The following CAMKMT variants were observed in gnomAD, a reference collection of about 807,000 sequenced individuals.
The protein encoded by CAMKMT is calmodulin-lysine N-methyltransferase.
In CAMKMT, 53 loss-of-function variants were observed where a neutral mutation model predicts 48.0. The ratio of observed to expected loss-of-function variants is 1.10; its 90% CI spans 0.89 to 1.39. CAMKMT has a LOEUF of 1.39. CAMKMT is among the 40% of genes most tolerant of loss of function. The pLI, the probability that CAMKMT is intolerant of heterozygous loss-of-function variation, is 0.00. For missense variants in CAMKMT, 428 were observed against 402.7 expected (o/e 1.06, Z -0.54); for synonymous variants, 165 against 152.3 (o/e 1.08, Z -0.61).
intron 3 of CAMKMT, among the ~76,000 whole-genome samples, chr2:44,595,322 A>G (rs1480626761): frequency 6.6e-6 from 1 of 152,152 alleles, no homozygotes; most frequent in East Asian, 1.9e-4. Context: ...AAAGGATTAT[A>G]AATGAACTCC....
intron 3 of CAMKMT, among the ~76,000 whole-genome samples, chr2:44,590,421 A>C (rs1232960575): frequency 6.6e-6 from 1 of 152,026 alleles, no homozygotes; most frequent in Non-Finnish European, 1.5e-5. Context: ...TTAAACTACA[A>C]ATTTCTGACT....
chr2:44,704,426 C>A, intron 4 of CAMKMT, 83 bp downstream of exon 4: 11 of 875,360 alleles, frequency 1.3e-5, no homozygotes, highest in African/African-American at 3.5e-5. Flanking sequence ...TTATATTCTT[C>A]AAATTAAATT....
Position 44,551,162 on chromosome 2 carries a change from C to G in CAMKMT, c.377-153121C>G, listed in dbSNP as rs116409285. On this transcript the variant is annotated intron_variant, in intron 3 of 10. Transcript: ENST00000378494. ...GTAGTCCTGTTTAATGGGGCAGAAA[C>G]CCACATCTGCAAGATCTTTATTCTC... Among the ~76,000 whole-genome samples, 466 of 152,182 alleles carry G rather than the reference C, an allele frequency of 3.1e-3. 2 individuals are homozygous for G. The highest frequency in any genetic ancestry group is 0.011 in the African/African-American group (439 of 41,526).
chr2:44,601,075 G>T (rs1670958163), intron 3 of CAMKMT, among the ~76,000 whole-genome samples: 1 of 152,002 alleles, frequency 6.6e-6, no homozygotes, highest in African/African-American at 2.4e-5. Context: ...ATACTTTTTA[G>T]TTGATACATA....
At chr2:44,362,870 A>T (rs897420369) in intron 1 of CAMKMT, among the ~76,000 whole-genome samples, 1 of 152,192 alleles carries the variant, frequency 6.6e-6, no homozygotes, top group African/African-American at 2.4e-5. Context: ...CTGATTTATG[A>T]TCACTCACAT....
chr2:44,399,727 A>C (rs1682186904), intron 3 of CAMKMT, among the ~76,000 whole-genome samples: 1 of 152,054 alleles, frequency 6.6e-6, no homozygotes, highest in African/African-American at 2.4e-5. Flanking sequence ...TCATGATAGA[A>C]TTGAGGAAGA....
At chr2:44,690,714 G>A (rs905594541) in intron 3 of CAMKMT, among the ~76,000 whole-genome samples, 4 of 152,062 alleles carry the variant, frequency 2.6e-5, no homozygotes, top group African/African-American at 7.2e-5. Context: ...GGTGGCTCAC[G>A]CCTGTAATAC....
chr2:44,647,919 A>G (rs1673835080), intron 3 of CAMKMT, among the ~76,000 whole-genome samples: 1 of 150,398 alleles, frequency 6.6e-6, no homozygotes, highest in Non-Finnish European at 1.5e-5. Flanking sequence ...AAAAAAAAAA[A>G]AAAAAAAAAA....
chr2:44,732,440 C>T (rs992722038), intron 7 of CAMKMT, among the ~76,000 whole-genome samples: 1 of 152,182 alleles, frequency 6.6e-6, no homozygotes, highest in Non-Finnish European at 1.5e-5. Flanking sequence ...AACATGTTGA[C>T]ATGATTTGAT....
chr2:44,642,832 C>T (rs1673520859), intron 3 of CAMKMT, among the ~76,000 whole-genome samples: 1 of 152,116 alleles, frequency 6.6e-6, no homozygotes, highest in African/African-American at 2.4e-5. Context: ...TAAATGACTT[C>T]ATCCACGGTA....
intron 3 of CAMKMT, among the ~76,000 whole-genome samples, chr2:44,466,480 A>G (rs1318050481): frequency 6.6e-6 from 1 of 152,204 alleles, no homozygotes; most frequent in Non-Finnish European, 1.5e-5. Context: ...AGGCAAATGA[A>G]AACGAATACA....
At chr2:44,589,896 GAAAA>G (rs888613058) in intron 3 of CAMKMT, among the ~76,000 whole-genome samples, 2 of 60,390 alleles carry the variant, frequency 3.3e-5, no homozygotes, top group Non-Finnish European at 6.6e-5. Context: ...AAAAAAAAAA[GAAAA>G]AAAAAAAAGA....
chr2:44,408,061 C>G (rs912741012), intron 3 of CAMKMT, among the ~76,000 whole-genome samples: 4 of 137,458 alleles, frequency 2.9e-5, no homozygotes, highest in African/African-American at 1.1e-4. Flanking sequence ...GAGTCTCACT[C>G]TGTCCCCAGG....
At chr2:44,580,300 G>T (rs913581101) in intron 3 of CAMKMT, among the ~76,000 whole-genome samples, 1 of 117,892 alleles carries the variant, frequency 8.5e-6, no homozygotes, top group Non-Finnish European at 1.9e-5. Context: ...AATTAGAAAC[G>T]ATAATAATTA....
At chr2:44,372,599 TA>T in intron 1 of CAMKMT, 116 bp from the exon 2 acceptor site, 1 of 761,076 alleles carries the variant, frequency 1.3e-6, no homozygotes. Context: ...CTGAATTATC[TA>T]ATCTGTCATT....
chr2:44,446,586 T>TGGCCTC (rs1667012988), intron 3 of CAMKMT, among the ~76,000 whole-genome samples: 1 of 152,154 alleles, frequency 6.6e-6, no homozygotes, highest in African/African-American at 2.4e-5. Flanking sequence ...CCTCAAGTGA[T>TGGCCTC]CCACCCACCT....
At chr2:44,533,967 A>G (rs1440053738) in intron 3 of CAMKMT, among the ~76,000 whole-genome samples, 1 of 152,186 alleles carries the variant, frequency 6.6e-6, no homozygotes. Context: ...ACCTAACTAT[A>G]TGCTGCCTAC....
intron 3 of CAMKMT, among the ~76,000 whole-genome samples, chr2:44,615,316 G>GT (rs1424230418): frequency 6.6e-6 from 1 of 152,170 alleles, no homozygotes; most frequent in African/African-American, 2.4e-5. Flanking sequence ...TTAGAAAGAT[G>GT]TAAGTCCAAA....
At chr2:44,364,320 T>G (rs1678365547) in intron 1 of CAMKMT, among the ~76,000 whole-genome samples, 1 of 152,200 alleles carries the variant, frequency 6.6e-6, no homozygotes, top group Admixed American at 6.5e-5. Context: ...TTATCTTCTC[T>G]ACTTGGTGAA....
Sources: allele counts gnomAD v4.1 joint callset (sites outside exome capture counted in the v4.1 genomes callset), GRCh38; gene constraint gnomAD v4.1.1; transcripts MANE v1.5; gene names NCBI Gene and HGNC (gene_info 2026-07-23, HGNC 2026-07-21).